Variants in SLC16A2 observed in about 807,000 individuals in gnomAD.
SLC16A2 encodes the protein solute carrier family 16 member 2.
Under a neutral mutation model 27.2 loss-of-function variants are expected in SLC16A2, and 3 were observed. The ratio of observed to expected loss-of-function variants is 0.11; its 90% confidence interval spans 0.05 to 0.28. SLC16A2 has a LOEUF of 0.28. Among genes scored for constraint, SLC16A2 ranks in the 10% least tolerant of loss-of-function variants. The probability of loss-of-function intolerance (pLI) is 1.00; values close to 1 mark genes in which losing one functional copy is unlikely to be tolerated. For missense variants in SLC16A2, 295 were observed against 458.5 expected (o/e 0.64, Z 3.26); for synonymous variants, 202 against 187.8 (o/e 1.08, Z -0.62).
rs948624536 is a variant in SLC16A2, at chrX:74,533,550, A to T, written c.*1997A>T. The T allele has an allele frequency of 8.9e-6, 1 of 112,403 alleles. No individual in the cohort carries two copies. Among genetic ancestry groups the T allele is most frequent in the African/African-American group, 3.2e-5 (1 of 30,779 alleles). 9.3% of individuals were successfully genotyped at this position (112,403 alleles called of 1,213,427 possible). ...CACCTCACTCTCACCAAGTCACCAGAGGGTGGTTCTGTAGGACCTCTTTTG... is the reference window on the plus strand; with the variant it reads ...CACCTCACTCTCACCAAGTCACCAGTGGGTGGTTCTGTAGGACCTCTTTTG... On this transcript the variant is annotated 3_prime_UTR_variant, in exon 6 of 6. Transcript: ENST00000587091.
At chrX:74,439,846 T>G (rs1335706491) in intron 1 of SLC16A2, among the ~76,000 whole-genome samples, 1 of 110,202 alleles carries the variant, frequency 9.1e-6, no homozygotes, top group East Asian at 2.9e-4. Context: ...AAGAGGAACA[T>G]AGTTGGGGAA....
At chrX:74,526,961 A>C (rs1930495020) in intron 4 of SLC16A2, among the ~76,000 whole-genome samples, 2 of 112,710 alleles carry the variant, frequency 1.8e-5, no homozygotes, top group Non-Finnish European at 3.7e-5. Context: ...CCAAGATGCC[A>C]AAGAGTTCTG....
intron 1 of SLC16A2, among the ~76,000 whole-genome samples, chrX:74,493,218 G>A (rs1303087607): frequency 1.8e-5 from 2 of 112,263 alleles, no homozygotes; most frequent in Non-Finnish European, 3.8e-5. Context: ...AGCCTGGTGG[G>A]TGGGAGTAGG....
In SLC16A2 at chrX:74,506,929, ATTTATTTATTTTT is replaced by A. The variant is rs1387458039; in HGVS notation, c.431-14057_431-14045del. On this transcript the variant is annotated intron_variant, in intron 1 of 5. Transcript: ENST00000587091. ...TTATTATTTATTTATTTATTTATTT[ATTTATTTATTTTT>A]TTTTTTTTGAGGCAGGGTCTCGCTT... Among the ~76,000 whole-genome samples, 9 of 29,465 alleles carry A rather than the reference ATTTATTTATTTTT, an allele frequency of 3.1e-4. No individual in the cohort carries two copies. The East Asian group carries it at 5.2e-3, about 17-fold the overall frequency. 25.6% of individuals were successfully genotyped at this position (29,465 alleles called of 115,157 possible).
Position 74,516,747 on chromosome X carries a change from A to T in SLC16A2, c.431-4243A>T, listed in dbSNP as rs1235886131. On this transcript the variant is annotated intron_variant, in intron 1 of 5. Transcript: ENST00000587091. ...TAAAAACAGAAAACAAACAGGAAACAAAAATAAAATTGCCCTAATGTATCA... is the reference window on the plus strand; with the variant it reads ...TAAAAACAGAAAACAAACAGGAAACTAAAATAAAATTGCCCTAATGTATCA... 6.2e-5 allele frequency among the ~76,000 whole-genome samples: 7 copies of T among 112,126 alleles called. 1 individual carries two copies. The highest frequency in any genetic ancestry group is 5.6e-5 in the Non-Finnish European group (3 of 53,233).
chrX:74,480,940 A>G, intron 1 of SLC16A2, among the ~76,000 whole-genome samples: 1 of 112,410 alleles, frequency 8.9e-6, no homozygotes, highest in Non-Finnish European at 1.9e-5. Flanking sequence ...TTGTGAAAGA[A>G]TGTTATATTT....
chrX:74,453,645 C>T (rs1294372778), intron 1 of SLC16A2, among the ~76,000 whole-genome samples: 3 of 110,999 alleles, frequency 2.7e-5, no homozygotes, highest in Non-Finnish European at 3.8e-5. Context: ...TATTCATAGG[C>T]ACAATCCCAT....
At chrX:74,500,444 T>C (rs1174370324) in intron 1 of SLC16A2, among the ~76,000 whole-genome samples, 2 of 111,626 alleles carry the variant, frequency 1.8e-5, no homozygotes, top group Non-Finnish European at 3.8e-5. Flanking sequence ...GTACAGGTGG[T>C]ATTTGGTTAC....
chrX:74,456,394 A>G (rs1431825262), intron 1 of SLC16A2, among the ~76,000 whole-genome samples: 5 of 111,219 alleles, frequency 4.5e-5, no homozygotes, highest in Non-Finnish European at 9.4e-5. Flanking sequence ...CCCAGGGGAG[A>G]TAAAAAGAAT....
intron 1 of SLC16A2, among the ~76,000 whole-genome samples, chrX:74,468,309 T>G (rs1929290404): frequency 8.9e-6 from 1 of 111,859 alleles, no homozygotes; most frequent in Non-Finnish European, 1.9e-5. Context: ...CTAATCCACT[T>G]TCTGTTTCTA....
intron 1 of SLC16A2, among the ~76,000 whole-genome samples, chrX:74,428,967 T>C (rs1472558459): frequency 1.8e-5 from 2 of 111,382 alleles, no homozygotes; most frequent in African/African-American, 3.3e-5. Flanking sequence ...TTCTGGTTCA[T>C]TCTATTTTGA....
intron 1 of SLC16A2, among the ~76,000 whole-genome samples, chrX:74,446,373 G>A (rs1482638240): frequency 9.0e-6 from 1 of 111,605 alleles, no homozygotes; most frequent in East Asian, 2.8e-4. Context: ...GCTCACATGT[G>A]TAATCCTAGG....
intron 1 of SLC16A2, among the ~76,000 whole-genome samples, chrX:74,457,282 A>G (rs1343646487): frequency 9.0e-6 from 1 of 111,443 alleles, no homozygotes; most frequent in African/African-American, 3.3e-5. Context: ...GATATTTTTA[A>G]AAGCTCTCTA....
chrX:74,449,678 C>T (rs1227604144), intron 1 of SLC16A2, among the ~76,000 whole-genome samples: 1 of 111,499 alleles, frequency 9.0e-6, no homozygotes, highest in Non-Finnish European at 1.9e-5. Flanking sequence ...TTCAGCTCTG[C>T]AGCATCTGTG....
chrX:74,523,932 G>A (rs1930449458), intron 2 of SLC16A2, among the ~76,000 whole-genome samples: 1 of 111,753 alleles, frequency 8.9e-6, no homozygotes, highest in African/African-American at 3.3e-5. Flanking sequence ...GCAGACCTTT[G>A]TTGCTACCTG....
chrX:74,522,168 T>C (rs1745963907), intron 2 of SLC16A2, among the ~76,000 whole-genome samples: 1 of 111,673 alleles, frequency 9.0e-6, no homozygotes, highest in South Asian at 3.8e-4. Context: ...TCAGAGCTAA[T>C]TTGTCAGAGA....
chrX:74,448,396 G>C (rs1157926920), intron 1 of SLC16A2, among the ~76,000 whole-genome samples: 3 of 105,068 alleles, frequency 2.9e-5, no homozygotes, highest in African/African-American at 1.0e-4. Context: ...AGTAAGGGCA[G>C]AGCATGTCTG....
intron 1 of SLC16A2, among the ~76,000 whole-genome samples, chrX:74,470,052 C>A (rs953544807): frequency 2.7e-5 from 3 of 111,778 alleles, no homozygotes; most frequent in African/African-American, 9.7e-5. Context: ...AGAATATCAT[C>A]TGATTGGAAT....
At chrX:74,529,823 A>G (rs1253458037) in intron 5 of SLC16A2, among the ~76,000 whole-genome samples, 1 of 107,309 alleles carries the variant, frequency 9.3e-6, no homozygotes, top group East Asian at 2.9e-4. Context: ...AAGAGAAGAG[A>G]AAGCAGGCTC....
Sources: gnomAD v4.1 joint callset for allele counts (sites outside exome capture counted in the v4.1 genomes callset) on GRCh38, gnomAD v4.1.1 for gene constraint, MANE v1.5 for transcripts, NCBI Gene and HGNC (gene_info 2026-07-23, HGNC 2026-07-21) for gene names.